NALCN: variants seen among roughly 807,000 people sequenced by gnomAD.
The protein encoded by NALCN is sodium leak channel, non-selective, also known as sodium leak channel NALCN.
NALCN carries 111 observed loss-of-function variants against 225.3 expected under a neutral mutation model. That is an observed-to-expected ratio of 0.49 (90% confidence interval 0.42 to 0.58). The LOEUF is 0.58. Among genes scored for constraint, NALCN ranks in the 20% least tolerant of loss-of-function variants. The pLI is 0.00. For synonymous variants in NALCN, 764 were observed against 769.0 expected (o/e 0.99, Z 0.11); for missense variants, 1,378 against 2,202.4 (o/e 0.63, Z 7.49).
intron 34 of NALCN, among the ~76,000 whole-genome samples, chr13:101,078,682 G>T (rs657106): frequency 0.75 from 114,810 of 152,104 alleles, 44,203 homozygotes; most frequent in African/African-American, 0.89. Context: ...AAACTTTCCT[G>T]TTCTCAGATA....
At chr13:101,339,871 A>C (rs2045499879) in intron 7 of NALCN, among the ~76,000 whole-genome samples, 1 of 152,340 alleles carries the variant, frequency 6.6e-6, no homozygotes, top group Admixed American at 6.5e-5. Flanking sequence ...TGATGAATAA[A>C]GACCAAACAT....
rs1250957870 is a variant in NALCN, at chr13:101,236,696, T to C, written c.1434+1059A>G. ...ACCAAACACCGCATATTCTCACTCA[T>C]AGGTGGGAATTGAACAATGAGAACA... On this transcript the variant is annotated intron_variant, in intron 12 of 43. Transcript: ENST00000251127. Among the ~76,000 whole-genome samples the C allele has an allele frequency of 1.9e-4, 27 of 139,708 alleles. No homozygotes were observed. The South Asian group carries it at 6.1e-3, about 32-fold the overall frequency. 91.7% of individuals were successfully genotyped at this position (139,708 alleles called of 152,430 possible). A position where few individuals can be genotyped will look rare whatever the true frequency, so the allele number is the denominator to read the frequency against.
At position 101,114,865 on chromosome 13, in the gene NALCN, C is replaced by T. The variant is rs768984701; in HGVS notation, c.2193-3639G>A. ...CCCGTTTAGTGTCCCTCTAACCTCCCTTTCTGGTCTCATCTTTACCAGGAG... is the reference window on the plus strand; with the variant it reads ...CCCGTTTAGTGTCCCTCTAACCTCCTTTTCTGGTCTCATCTTTACCAGGAG... On this transcript the variant is annotated intron_variant, in intron 18 of 43. Transcript: ENST00000251127. Among the ~76,000 whole-genome samples, 7 of 152,308 alleles carry T rather than the reference C, an allele frequency of 4.6e-5. No homozygotes were observed. In the South Asian group the frequency reaches 8.3e-4, roughly 18 times the overall value.
intron 13 of NALCN, among the ~76,000 whole-genome samples, chr13:101,194,990 C>T (rs544476761): frequency 2.8e-4 from 43 of 152,092 alleles, no homozygotes; most frequent in African/African-American, 7.2e-4. Context: ...GACAACAGAG[C>T]GAGATCCTGT....
intron 7 of NALCN, among the ~76,000 whole-genome samples, chr13:101,338,785 A>G (rs888050782): frequency 6.6e-6 from 1 of 152,248 alleles, no homozygotes; most frequent in African/African-American, 2.4e-5. Flanking sequence ...TAAGCTTTGC[A>G]AATTGTTTTT....
At chr13:101,297,989 T>C (rs1220100740) in intron 7 of NALCN, among the ~76,000 whole-genome samples, 1 of 152,140 alleles carries the variant, frequency 6.6e-6, no homozygotes, top group African/African-American at 2.4e-5. Context: ...TCCCCTTCAG[T>C]TGGAAGGGAA....
chr13:101,155,085 A>T (rs1028181125), intron 15 of NALCN, among the ~76,000 whole-genome samples: 1 of 151,312 alleles, frequency 6.6e-6, no homozygotes, highest in Non-Finnish European at 1.5e-5. Context: ...ACAGCTTACC[A>T]TAGAAAATTC....
chr13:101,382,177 A>C (rs558227111), intron 3 of NALCN, among the ~76,000 whole-genome samples: 1 of 152,194 alleles, frequency 6.6e-6, no homozygotes, highest in Non-Finnish European at 1.5e-5. Context: ...ATTGCTCATA[A>C]TTTGCTTTAG....
chr13:101,185,797 C>T (rs1325528690), intron 14 of NALCN, among the ~76,000 whole-genome samples: 1 of 152,166 alleles, frequency 6.6e-6, no homozygotes, highest in East Asian at 1.9e-4. Flanking sequence ...CATGCCTGTC[C>T]CTGGGAAGAC....
chr13:101,274,072 T>G (rs1293932190), intron 10 of NALCN, among the ~76,000 whole-genome samples: 1 of 152,072 alleles, frequency 6.6e-6, no homozygotes, highest in Non-Finnish European at 1.5e-5. Flanking sequence ...CCTTACACGT[T>G]TCTAGAAGGC....
intron 7 of NALCN, among the ~76,000 whole-genome samples, chr13:101,316,759 G>T (rs139346440): frequency 3.9e-5 from 6 of 152,186 alleles, no homozygotes; most frequent in Admixed American, 3.9e-4. Context: ...CTTTTCAAAT[G>T]TTCCAAAGGT....
At chr13:101,262,481 C>T (rs2042460650) in intron 10 of NALCN, among the ~76,000 whole-genome samples, 1 of 152,116 alleles carries the variant, frequency 6.6e-6, no homozygotes, top group Non-Finnish European at 1.5e-5. Context: ...CACCACTGAG[C>T]CACATCTGCC....
chr13:101,201,845 A>G (rs2040135735), intron 13 of NALCN, among the ~76,000 whole-genome samples: 1 of 152,180 alleles, frequency 6.6e-6, no homozygotes, highest in African/African-American at 2.4e-5. Flanking sequence ...TTCTCTACAA[A>G]AAAAGTTGCT....
At chr13:101,261,905 G>A (rs2042441613) in intron 10 of NALCN, among the ~76,000 whole-genome samples, 1 of 152,148 alleles carries the variant, frequency 6.6e-6, no homozygotes, top group Non-Finnish European at 1.5e-5. Context: ...GTGATAGTGG[G>A]CATCCTTGTC....
At chr13:101,233,528 G>C (rs1210554378) in intron 12 of NALCN, among the ~76,000 whole-genome samples, 1 of 151,944 alleles carries the variant, frequency 6.6e-6, no homozygotes, top group East Asian at 1.9e-4. Context: ...TTTTAGTAGA[G>C]ACGGGGTTTC....
chr13:101,221,240 T>G (rs192151708), intron 13 of NALCN, among the ~76,000 whole-genome samples: 24 of 152,122 alleles, frequency 1.6e-4, no homozygotes, highest in Non-Finnish European at 2.9e-5. Context: ...TGCCTCAGCC[T>G]CCTGAGTAGC....
At chr13:101,386,756 A>T (rs541500942) in intron 3 of NALCN, among the ~76,000 whole-genome samples, 1 of 152,278 alleles carries the variant, frequency 6.6e-6, no homozygotes, top group South Asian at 2.1e-4. Flanking sequence ...ATTGGATAAC[A>T]CTACTTTAAC....
intron 14 of NALCN, among the ~76,000 whole-genome samples, chr13:101,181,859 T>C (rs2139965060): frequency 6.6e-6 from 1 of 152,140 alleles, no homozygotes; most frequent in African/African-American, 2.4e-5. Context: ...TCTAGCCGGG[T>C]GCAGTGGCTC....
Position 101,346,087 on chromosome 13 carries a change from C to CTCTCTCTCTCTCTATATATATA in NALCN, c.645-668_645-667insTATATATATAGAGAGAGAGAGA. ...TCTCTCTCTCTCTCTCTCTCTCTCT[C>CTCTCTCTCTCTCTATATATATA]TATATATATATATATATATATATAT... On this transcript the variant is annotated intron_variant, in intron 6 of 43. Coordinates refer to ENST00000251127, the MANE Select transcript of NALCN (RefSeq NM_052867.4). Among the ~76,000 whole-genome samples the CTCTCTCTCTCTCTATATATATA allele has an allele frequency of 4.2e-3, 296 of 70,860 alleles. 1 individual carries two copies. Among genetic ancestry groups the CTCTCTCTCTCTCTATATATATA allele is most frequent in the Non-Finnish European group, 4.9e-3 (185 of 37,504 alleles). The allele number at this position is 70,860 out of a possible 152,430, so 46.5% of individuals were successfully genotyped here.
Sources: allele counts gnomAD v4.1 joint callset (sites outside exome capture counted in the v4.1 genomes callset), GRCh38; gene constraint gnomAD v4.1.1; transcripts MANE v1.5; gene names NCBI Gene and HGNC (gene_info 2026-07-23, HGNC 2026-07-21).